The following TMEM132C variants were observed in gnomAD, a reference collection of about 807,000 sequenced individuals.
The protein encoded by TMEM132C is transmembrane protein 132C.
TMEM132C carries 29 observed loss-of-function variants against 61.4 expected under a neutral mutation model. That is an observed-to-expected ratio of 0.47 (90% CI 0.35 to 0.64). The LOEUF (loss-of-function observed/expected upper bound fraction) is 0.64. TMEM132C is among the 30% of genes least tolerant of loss of function. The probability of loss-of-function intolerance (pLI) is 0.00; values close to 1 mark genes in which losing one functional copy is unlikely to be tolerated. For missense variants in TMEM132C, 1,408 were observed against 1,476.9 expected (o/e 0.95, Z 0.76); for synonymous variants, 656 against 633.1 (o/e 1.04, Z -0.54).
chr12:128,436,270 A>G (rs1423513339), intron 2 of TMEM132C, among the ~76,000 whole-genome samples: 3 of 152,274 alleles, frequency 2.0e-5, no homozygotes, highest in African/African-American at 7.2e-5. Flanking sequence ...CACCAAGAGC[A>G]ATGGCAACAA....
chr12:128,670,005 T>C (rs1404132139), intron 5 of TMEM132C, among the ~76,000 whole-genome samples: 1 of 152,208 alleles, frequency 6.6e-6, no homozygotes, highest in Non-Finnish European at 1.5e-5. Flanking sequence ...TACTTATCTT[T>C]TTTATGTGAT....
chr12:128,451,678 A>G (rs1020490955), intron 2 of TMEM132C, among the ~76,000 whole-genome samples: 2 of 152,224 alleles, frequency 1.3e-5, no homozygotes, highest in African/African-American at 4.8e-5. Context: ...TGATTTATGA[A>G]AAAGAAATTC....
intron 3 of TMEM132C, among the ~76,000 whole-genome samples, chr12:128,548,996 A>G (rs1012521714): frequency 2.0e-5 from 3 of 152,168 alleles, no homozygotes; most frequent in Admixed American, 1.3e-4. Context: ...AGGGTCCATG[A>G]GCCAATCCCC....
intron 1 of TMEM132C, among the ~76,000 whole-genome samples, chr12:128,314,663 C>T (rs1299686880): frequency 1.3e-5 from 2 of 152,096 alleles, no homozygotes; most frequent in Non-Finnish European, 2.9e-5. Context: ...GACAGAGACA[C>T]ACAGAAAAGG....
chr12:128,675,826 TTAGA>T (rs1321333619), intron 5 of TMEM132C, among the ~76,000 whole-genome samples: 50 of 145,732 alleles, frequency 3.4e-4, no homozygotes, highest in African/African-American at 9.2e-4. Context: ...GATGGTAGAT[TTAGA>T]TAGATAGAAG....
At chr12:128,670,462 T>G (rs749615502) in intron 5 of TMEM132C, among the ~76,000 whole-genome samples, 6 of 152,188 alleles carry the variant, frequency 3.9e-5, no homozygotes, top group Non-Finnish European at 8.8e-5. Context: ...GTAACTGCCA[T>G]TCTATCTCTG....
intron 1 of TMEM132C, among the ~76,000 whole-genome samples, chr12:128,363,688 T>TA (rs1188199055): frequency 6.6e-6 from 1 of 151,372 alleles, no homozygotes; most frequent in Non-Finnish European, 1.5e-5. Flanking sequence ...CTACTAAAAA[T>TA]AAAAAAATTA....
intron 4 of TMEM132C, among the ~76,000 whole-genome samples, chr12:128,622,361 ATATATATATATAT>A (rs370183302): frequency 4.2e-4 from 16 of 38,174 alleles, no homozygotes; most frequent in South Asian, 1.4e-3. Context: ...AAAAAAAAAA[ATATATATATATAT>A]ATATATATAT....
intron 1 of TMEM132C, among the ~76,000 whole-genome samples, chr12:128,268,563 A>T (rs1485982710): frequency 6.6e-6 from 1 of 151,992 alleles, no homozygotes; most frequent in African/African-American, 2.4e-5. Flanking sequence ...AGGTGCGCAC[A>T]TGGGTGCCCT....
chr12:128,339,122 C>T (rs934999859), intron 1 of TMEM132C, among the ~76,000 whole-genome samples: 11 of 152,078 alleles, frequency 7.2e-5, no homozygotes, highest in African/African-American at 1.4e-4. Flanking sequence ...TTAGAGTGGG[C>T]GTCTGTGTTG....
chr12:128,357,487 G>A (rs976660900), intron 1 of TMEM132C, among the ~76,000 whole-genome samples: 4 of 152,118 alleles, frequency 2.6e-5, no homozygotes, highest in Non-Finnish European at 5.9e-5. Flanking sequence ...ACAAGGTCAG[G>A]AGTTTGAGAC....
At chr12:128,690,097 TG>T (rs1410912000) in intron 5 of TMEM132C, among the ~76,000 whole-genome samples, 1 of 152,158 alleles carries the variant, frequency 6.6e-6, no homozygotes, top group Non-Finnish European at 1.5e-5. Context: ...ACTGACCATA[TG>T]TGGCTCCACC....
At chr12:128,536,643 T>C (rs1477969947) in intron 2 of TMEM132C, among the ~76,000 whole-genome samples, 1 of 152,166 alleles carries the variant, frequency 6.6e-6, no homozygotes, top group East Asian at 1.9e-4. Flanking sequence ...ACCCGCAGTG[T>C]TCCCGCATGG....
chr12:128,345,375 G>A (rs528764313), intron 1 of TMEM132C, among the ~76,000 whole-genome samples: 13 of 152,206 alleles, frequency 8.5e-5, no homozygotes, highest in African/African-American at 2.9e-4. Context: ...GTATGTGTAC[G>A]TGTGTCTTTA....
intron 3 of TMEM132C, among the ~76,000 whole-genome samples, chr12:128,600,790 A>T (rs139848189): frequency 6.6e-6 from 1 of 152,340 alleles, no homozygotes. Context: ...TGCCTGGCAC[A>T]AATCTGGTGC....
At chr12:128,689,948 G>T (rs1416254225) in intron 5 of TMEM132C, among the ~76,000 whole-genome samples, 1 of 152,184 alleles carries the variant, frequency 6.6e-6, no homozygotes, top group African/African-American at 2.4e-5. Context: ...GACGATTCAG[G>T]CCAGGCTCCC....
At chr12:128,364,266 C>A (rs1159402069) in intron 1 of TMEM132C, among the ~76,000 whole-genome samples, 1 of 151,254 alleles carries the variant, frequency 6.6e-6, no homozygotes, top group Non-Finnish European at 1.5e-5. Flanking sequence ...CTCTTCCTCT[C>A]ACCCCTCCCT....
At chr12:128,306,054 A>G (rs1871764404) in intron 1 of TMEM132C, among the ~76,000 whole-genome samples, 1 of 152,206 alleles carries the variant, frequency 6.6e-6, no homozygotes, top group African/African-American at 2.4e-5. Flanking sequence ...GATAGTGCTG[A>G]GTTTGACACC....
intron 1 of TMEM132C, among the ~76,000 whole-genome samples, chr12:128,300,978 C>T (rs2135918013): frequency 6.6e-6 from 1 of 152,232 alleles, no homozygotes; most frequent in South Asian, 2.1e-4. Context: ...GAGTTTGAGG[C>T]TACAGTGAGC....
Sources: gnomAD v4.1 joint callset for allele counts (sites outside exome capture counted in the v4.1 genomes callset) on GRCh38, gnomAD v4.1.1 for gene constraint, MANE v1.5 for transcripts, NCBI Gene and HGNC (gene_info 2026-07-23, HGNC 2026-07-21) for gene names.